Variants in N4BP2L2 observed in about 807,000 individuals in gnomAD.
N4BP2L2 encodes the protein NEDD4 binding protein 2 like 2, also known as NEDD4-binding protein 2-like 2.
Under a neutral mutation model 56.2 loss-of-function variants are expected in N4BP2L2, and 50 were observed. The observed-to-expected ratio is 0.89, with a 90% CI of 0.71 to 1.13. The LOEUF (loss-of-function observed/expected upper bound fraction) is 1.13, where lower values mean the gene tolerates loss of function less well. Ranked by LOEUF, N4BP2L2 falls within the 50% of genes most tolerant of loss-of-function variation. The pLI, the probability that N4BP2L2 is intolerant of heterozygous loss-of-function variation, is 0.00. For synonymous variants in N4BP2L2, 203 were observed against 223.6 expected, an observed-to-expected ratio of 0.91 and a Z score of 0.82; for missense variants, 689 against 693.8, an observed-to-expected ratio of 0.99 and a Z score of 0.08.
chr13:32,537,063 T>C, intron 1 of N4BP2L2, 36 bp from the exon 2 acceptor site: 4 of 1,308,748 alleles, frequency 3.1e-6, no homozygotes, highest in Non-Finnish European at 4.0e-6. Context: ...TACTAGCTAA[T>C]ATATTAAAAA....
In N4BP2L2 at chr13:32,470,957, G is replaced by A. The variant is rs529223059; in HGVS notation, c.366-26831C>T. ...TCTAGCTGGGGTGCTACTGCTGCCT[G>A]GATTGCTGTCACAGTCTAGCCTAGT... On this transcript the variant is annotated intron_variant, in intron 6 of 9. Transcript: ENST00000357505. Among the ~76,000 whole-genome samples, 7 of 152,318 alleles carry A rather than the reference G, an allele frequency of 4.6e-5. No homozygotes were observed. The South Asian group carries it at 1.2e-3, about 27-fold the overall frequency.
At chr13:32,502,041 CCTTCTAGACCTA>C (rs2090110823) in intron 6 of N4BP2L2, among the ~76,000 whole-genome samples, 1 of 151,106 alleles carries the variant, frequency 6.6e-6, no homozygotes, top group Non-Finnish European at 1.5e-5. Flanking sequence ...CAAACTTTAT[CCTTCTAGACCTA>C]CTACAGCATT....
At chr13:32,522,476 G>T (rs1456121373) in intron 3 of N4BP2L2, 4 of 350,498 alleles carry the variant, frequency 1.1e-5, no homozygotes, top group African/African-American at 2.1e-5. Flanking sequence ...GCATTCTCCA[G>T]ACTGGATGCT....
chr13:32,530,986 A>G (rs935615366), intron 2 of N4BP2L2, among the ~76,000 whole-genome samples: 1 of 152,126 alleles, frequency 6.6e-6, no homozygotes. Flanking sequence ...GAATGGACAG[A>G]GGCCAAGTAG....
At chr13:32,500,770 T>C (rs1202212487) in intron 6 of N4BP2L2, among the ~76,000 whole-genome samples, 1 of 151,506 alleles carries the variant, frequency 6.6e-6, no homozygotes, top group Non-Finnish European at 1.5e-5. Flanking sequence ...AACAGTATCT[T>C]AAAATATTAT....
chr13:32,511,362 C>T (rs1349808085), exon 6 of N4BP2L2: 2 of 152,136 alleles, frequency 1.3e-5, no homozygotes, highest in Admixed American at 6.5e-5. Flanking sequence ...TTAAGGGCAA[C>T]CAGCAACCAT....
rs775995205 is a variant in N4BP2L2, at chr13:32,518,015, G to C, written c.1551-12C>G. On this transcript the variant is annotated splice_polypyrimidine_tract_variant and intron_variant, in intron 5 of 5. Transcript: ENST00000267068. ...CATGTTTATTCCTCCTAACAAAAAA[G>C]AAAAGGATTGTAAATCTTTGTTGCA... 23 of 1,610,322 alleles carry C rather than the reference G, an allele frequency of 1.4e-5. 1 individual carries two copies. Among genetic ancestry groups the C allele is most frequent in the South Asian group, 7.7e-5 (7 of 90,762 alleles).
exon 2 of N4BP2L2, chr13:32,536,111 T>C: frequency 6.2e-7 from 1 of 1,614,106 alleles, no homozygotes; most frequent in Non-Finnish European, 8.5e-7. Flanking sequence ...ATCTTGGGCT[T>C]GGAAAATATT....
rs534366495 is a variant in N4BP2L2, at chr13:32,442,918, C to G, written c.1574G>C (p.Ser525Thr). Residue 525 changes from serine (S) to threonine (T), a missense_variant, in exon 7 of 10, where the codon AGT (serine) becomes ACT (threonine). Transcript: ENST00000357505. The stretch of plus-strand genomic sequence containing the variant: ...AAGTTTTTGTTTATTCTCCTCTTCA[C>G]TGTTCCTTTCTGAAATTCTATCTTT... 6 of 1,612,804 alleles carry G rather than the reference C, an allele frequency of 3.7e-6. No homozygotes were observed. The South Asian group carries it at 5.5e-5, about 15-fold the overall frequency.
chr13:32,536,993 C>T (rs763948638), exon 2 of N4BP2L2: 5 of 1,588,910 alleles, frequency 3.1e-6, no homozygotes, highest in Non-Finnish European at 4.3e-6. Context: ...TTCTCTAGGT[C>T]CCAAGAATTT....
At chr13:32,477,393 C>T in intron 6 of N4BP2L2, 1 of 179,556 alleles carries the variant, frequency 5.6e-6, no homozygotes, top group East Asian at 1.5e-4. Flanking sequence ...CTTTCTTGTT[C>T]ATTAATGTAT....
chr13:32,434,444 A>C (rs2075244232), intron 9 of N4BP2L2, among the ~76,000 whole-genome samples: 1 of 151,936 alleles, frequency 6.6e-6, no homozygotes, highest in South Asian at 2.1e-4. Context: ...TTTAATCCTC[A>C]TTTAAAAGAT....
At chr13:32,470,456 C>T (rs576601816) in intron 6 of N4BP2L2, among the ~76,000 whole-genome samples, 2 of 152,230 alleles carry the variant, frequency 1.3e-5, no homozygotes, top group African/African-American at 4.8e-5. Flanking sequence ...GGTAGTTGAC[C>T]AGGGGTGCTC....
At chr13:32,450,860 C>T (rs1024243669) in intron 6 of N4BP2L2, among the ~76,000 whole-genome samples, 2 of 120,910 alleles carry the variant, frequency 1.7e-5, no homozygotes, top group African/African-American at 7.4e-5. Flanking sequence ...CTCCCTCCCA[C>T]CCCATCCCCT....
chr13:32,481,814 C>T (rs1238081423), intron 6 of N4BP2L2, among the ~76,000 whole-genome samples: 2 of 152,160 alleles, frequency 1.3e-5, no homozygotes, highest in African/African-American at 4.8e-5. Flanking sequence ...CAGTCTAGTC[C>T]AGTTTCTGGA....
exon 7 of N4BP2L2, chr13:32,442,675 T>G (rs773730217): frequency 6.2e-7 from 1 of 1,613,888 alleles, no homozygotes; most frequent in Non-Finnish European, 8.5e-7. Flanking sequence ...TGTCTGAGAT[T>G]CGAAAGTCAA....
intron 9 of N4BP2L2, among the ~76,000 whole-genome samples, chr13:32,434,020 T>C (rs974436513): frequency 4.0e-5 from 6 of 151,842 alleles, no homozygotes. Flanking sequence ...GAATTCACTC[T>C]TATTATGAAT....
chr13:32,438,557 C>A, intron 8 of N4BP2L2: 2 of 949,542 alleles, frequency 2.1e-6, no homozygotes, highest in South Asian at 3.2e-5. Flanking sequence ...CAAGATCACG[C>A]CATTGCACTC....
chr13:32,488,696 T>C (rs2086426198), intron 6 of N4BP2L2, among the ~76,000 whole-genome samples: 2 of 152,232 alleles, frequency 1.3e-5, no homozygotes, highest in Non-Finnish European at 2.9e-5. Context: ...ACAATGTTAA[T>C]GGTGGTAAAT....
Sources: gnomAD v4.1 joint callset for allele counts (sites outside exome capture counted in the v4.1 genomes callset) on GRCh38, gnomAD v4.1.1 for gene constraint, MANE v1.5 for transcripts, NCBI Gene and HGNC (gene_info 2026-07-23, HGNC 2026-07-21) for gene names.